The following EYS variants were observed in gnomAD, a reference collection of about 807,000 sequenced individuals.
EYS encodes protein eyes shut homolog.
EYS carries 250 observed loss-of-function variants against 282.1 expected under a neutral mutation model. The ratio of observed to expected loss-of-function variants is 0.89; its 90% CI spans 0.80 to 0.98. EYS has a LOEUF of 0.98. Ranked by LOEUF, EYS falls within the 50% of genes least tolerant of loss-of-function variation. The probability of loss-of-function intolerance (pLI) is 0.00; values close to 1 mark genes in which losing one functional copy is unlikely to be tolerated. For missense variants in EYS, 4,016 were observed against 3,709.0 expected, an observed-to-expected ratio of 1.08 and a Z score of -2.15; for synonymous variants, 1,355 against 1,282.9, an observed-to-expected ratio of 1.06 and a Z score of -1.20.
intron 13 of EYS, among the ~76,000 whole-genome samples, chr6:65,052,209 G>A (rs563209926): frequency 1.3e-5 from 2 of 151,378 alleles, no homozygotes; most frequent in African/African-American, 4.8e-5. Context: ...TTTAGTTCTG[G>A]GGGAAAGATG....
At chr6:65,220,648 C>T (rs1306496624) in intron 12 of EYS, among the ~76,000 whole-genome samples, 1 of 151,924 alleles carries the variant, frequency 6.6e-6, no homozygotes, top group Non-Finnish European at 1.5e-5. Flanking sequence ...TAAATTGGCA[C>T]CAGTAGAGTG....
chr6:63,769,515 A>G (rs1398336773), intron 40 of EYS, among the ~76,000 whole-genome samples: 2 of 152,152 alleles, frequency 1.3e-5, no homozygotes, highest in African/African-American at 4.8e-5. Context: ...CTTAATTGTC[A>G]GTACAAGGAA....
chr6:64,766,652 ATATATATATATATAT>A (rs1773358981), intron 22 of EYS, among the ~76,000 whole-genome samples: 1 of 48,582 alleles, frequency 2.1e-5, no homozygotes, highest in African/African-American at 8.8e-5. Context: ...AAAAAAAAAT[ATATATATATATATAT>A]ATATATATAT....
At chr6:65,531,332 T>C (rs536795314) in intron 2 of EYS, among the ~76,000 whole-genome samples, 58 of 152,324 alleles carry the variant, frequency 3.8e-4, no homozygotes, top group African/African-American at 1.3e-3. Context: ...GCATGAGTTA[T>C]AAAGAAAACG....
intron 26 of EYS, among the ~76,000 whole-genome samples, chr6:64,486,647 T>C (rs573188225): frequency 6.6e-6 from 1 of 151,524 alleles, no homozygotes; most frequent in African/African-American, 2.4e-5. Context: ...GATCTGTTTC[T>C]AAGGAAAACT....
At chr6:64,905,176 T>C (rs1445310207) in intron 16 of EYS, among the ~76,000 whole-genome samples, 1 of 152,204 alleles carries the variant, frequency 6.6e-6, no homozygotes, top group African/African-American at 2.4e-5. Context: ...ACAACAAAAT[T>C]GCCTAGTGAT....
At chr6:63,983,431 G>C (rs1338849104) in intron 35 of EYS, among the ~76,000 whole-genome samples, 2 of 151,276 alleles carry the variant, frequency 1.3e-5, no homozygotes, top group African/African-American at 4.9e-5. Flanking sequence ...CTTTGTGATT[G>C]GTTCTTTCTC....
intron 22 of EYS, among the ~76,000 whole-genome samples, chr6:64,723,802 T>C (rs777098013): frequency 3.3e-5 from 5 of 152,168 alleles, no homozygotes; most frequent in African/African-American, 4.8e-5. Context: ...GGATCTTCCA[T>C]GGGTTTTGTC....
chr6:63,763,870 T>TTATATATATATATATATATA (rs55668347), intron 40 of EYS, among the ~76,000 whole-genome samples: 5 of 129,662 alleles, frequency 3.9e-5, no homozygotes, highest in African/African-American at 8.5e-5. Context: ...TTATATCTTG[T>TTATATATATATATATATATA]TATATATATA....
rs532840218 is a variant in EYS, at chr6:64,350,503, G to A, written c.6078+38187C>T. Among the ~76,000 whole-genome samples the A allele has an allele frequency of 4.0e-5, 6 of 151,642 alleles. 1 individual carries two copies. In the South Asian group the frequency reaches 1.2e-3, roughly 31 times the overall value. ...CTTTGAAAACATAAGGAGAGAGCCA[G>A]TTGTATGGATCTGGGCATAAGAGGC... On this transcript the variant is annotated intron_variant, in intron 29 of 42. Transcript: ENST00000503581.
In EYS at chr6:63,905,305, A is replaced by G. The variant is rs1031289606; in HGVS notation, c.7056-40947T>C. Among the ~76,000 whole-genome samples the G allele has an allele frequency of 6.6e-5, 10 of 151,416 alleles. 1 individual carries two copies. In the Admixed American group the frequency reaches 6.6e-4, roughly 10 times the overall value. The stretch of plus-strand genomic sequence containing the variant: ...CATTTTAGAGAGGATGTAGCCAGTT[A>G]AATAAGGGGATTTCTTTTTTTTTCT... On this transcript the variant is annotated intron_variant, in intron 35 of 42. Coordinates refer to ENST00000503581, the MANE Select transcript of EYS (RefSeq NM_001142800.2).
chr6:64,361,167 A>T (rs187272468), intron 29 of EYS, among the ~76,000 whole-genome samples: 1 of 151,364 alleles, frequency 6.6e-6, no homozygotes, highest in African/African-American at 2.4e-5. Context: ...ATAAGAATAC[A>T]TTTTTAGATA....
chr6:65,309,719 G>A (rs1769104325), intron 11 of EYS, among the ~76,000 whole-genome samples: 1 of 152,154 alleles, frequency 6.6e-6, no homozygotes, highest in African/African-American at 2.4e-5. Flanking sequence ...TCCCATCTCA[G>A]TTAATAGCAA....
At chr6:65,134,243 C>T (rs1433434540) in intron 12 of EYS, among the ~76,000 whole-genome samples, 1 of 151,868 alleles carries the variant, frequency 6.6e-6, no homozygotes, top group African/African-American at 2.4e-5. Flanking sequence ...TATCATTTGA[C>T]CCAGCAATTT....
chr6:65,421,495 T>C (rs1767453289), intron 5 of EYS, among the ~76,000 whole-genome samples: 1 of 151,824 alleles, frequency 6.6e-6, no homozygotes. Flanking sequence ...ACAATAAGGC[T>C]CTTTAGGTTT....
intron 2 of EYS, among the ~76,000 whole-genome samples, chr6:65,529,917 G>C (rs959035408): frequency 1.3e-5 from 2 of 152,114 alleles, no homozygotes; most frequent in Non-Finnish European, 2.9e-5. Flanking sequence ...CCAGCCTCTA[G>C]AAGTAGGAAA....
chr6:65,679,794 T>G (rs530254920), intron 1 of EYS, among the ~76,000 whole-genome samples: 1 of 151,988 alleles, frequency 6.6e-6, no homozygotes, highest in South Asian at 2.1e-4. Flanking sequence ...CCTGAAATAT[T>G]TATGAATTAT....
intron 12 of EYS, among the ~76,000 whole-genome samples, chr6:65,065,446 G>T (rs35054082): frequency 2.2e-3 from 327 of 150,480 alleles, no homozygotes; most frequent in Middle Eastern, 6.9e-3. Context: ...GCAGTGGCGC[G>T]ATCTCTGCTC....
rs141754236 is a variant in EYS at position 65,011,459 on chromosome 6, A to G, written c.2138-13756T>C. Among the ~76,000 whole-genome samples the G allele has an allele frequency of 3.0e-3, 450 of 152,314 alleles. 2 individuals carry two copies. The highest frequency in any genetic ancestry group is 0.014 in the Middle Eastern group (4 of 294). ...CAAATGCAGTCCATGACTAAGGTCT[A>G]CCGCAGACCCCTGGACTGACCAGCT... On this transcript the variant is annotated intron_variant, in intron 13 of 42. Transcript: ENST00000503581.
Sources: gnomAD v4.1 joint callset for allele counts (sites outside exome capture counted in the v4.1 genomes callset) on GRCh38, gnomAD v4.1.1 for gene constraint, MANE v1.5 for transcripts, NCBI Gene and HGNC (gene_info 2026-07-23, HGNC 2026-07-21) for gene names.